CDH18: variants seen among roughly 807,000 people sequenced by gnomAD.
CDH18 encodes the protein cadherin-18.
CDH18 carries 31 observed loss-of-function variants against 67.9 expected under a neutral mutation model. The ratio of observed to expected loss-of-function variants is 0.46; its 90% CI spans 0.34 to 0.62. The LOEUF (loss-of-function observed/expected upper bound fraction) is 0.62. CDH18 is among the 20% of genes least tolerant of loss of function. The pLI is 0.01. For missense variants in CDH18, 890 were observed against 975.5 expected (o/e 0.91, Z 1.17); for synonymous variants, 362 against 347.2 (o/e 1.04, Z -0.48).
chr5:19,801,277 C>CT (rs1777440161), intron 3 of CDH18, among the ~76,000 whole-genome samples: 1 of 152,124 alleles, frequency 6.6e-6, no homozygotes, highest in African/African-American at 2.4e-5. Flanking sequence ...GGCAAAAAGA[C>CT]TAAGTACACG....
At chr5:20,296,202 T>C (rs537202895) in intron 1 of CDH18, among the ~76,000 whole-genome samples, 1 of 150,532 alleles carries the variant, frequency 6.6e-6, no homozygotes, top group East Asian at 2.0e-4. Context: ...ATTATTATAA[T>C]GCCACAAATT....
chr5:20,172,669 C>A (rs1736922830), intron 2 of CDH18, among the ~76,000 whole-genome samples: 1 of 151,926 alleles, frequency 6.6e-6, no homozygotes, highest in South Asian at 2.1e-4. Flanking sequence ...ATATATGAAG[C>A]AGGATTATAA....
At chr5:19,728,046 A>G (rs1767083871) in intron 4 of CDH18, among the ~76,000 whole-genome samples, 1 of 152,158 alleles carries the variant, frequency 6.6e-6, no homozygotes, top group Non-Finnish European at 1.5e-5. Context: ...AAGAAAAAAA[A>G]TTATTACCCT....
chr5:19,675,785 A>G (rs1759402910), intron 5 of CDH18, among the ~76,000 whole-genome samples: 1 of 152,070 alleles, frequency 6.6e-6, no homozygotes, highest in Non-Finnish European at 1.5e-5. Context: ...AAGAGTATTG[A>G]TTGGGGAAGT....
rs1739836487 is a variant in CDH18 at position 19,483,465 on chromosome 5, C to T, written c.1718G>A (p.Gly573Asp). 1 of 1,614,102 alleles carries T rather than the reference C, an allele frequency of 6.2e-7. No individual in the cohort carries two copies. Among genetic ancestry groups the T allele is most frequent in the Non-Finnish European group, 8.5e-7 (1 of 1,180,016 alleles). The change falls in exon 12 of 13, where the codon GGT becomes GAT. Residue 573 changes from glycine (G) to aspartate (D), a missense_variant. Physicochemically the swap from Gly to Asp is moderately conservative, Grantham distance 94. Around this residue, in one of 2 missense-constraint regions of CDH18, gnomAD observed 656 missense variants for 668.1 expected, o/e 0.98. Transcript: ENST00000382275. The stretch of plus-strand genomic sequence containing the variant: ...GCTGCTGCTGAGAGAGGGGATTCCA[C>T]CATCAGAGATCATAATGGGCAGATA... Reference protein sequence around the residue: ...VYYLPIMISDGGIPSLSSSST... With the variant: ...VYYLPIMISDDGIPSLSSSST...
rs138789606 is a variant in CDH18 at position 20,233,274 on chromosome 5, T to A, written c.-518+22170A>T. On this transcript the variant is annotated intron_variant, in intron 2 of 14. Transcript: ENST00000507958. ...AAACATATTTAAATGTACAAACATT[T>A]TATAATCCATGATTATTCAGAGGTT... Among the ~76,000 whole-genome samples the A allele has an allele frequency of 4.9e-3, 750 of 151,620 alleles. 5 individuals carry two copies. Among genetic ancestry groups the A allele is most frequent in the Non-Finnish European group, 6.8e-3 (462 of 67,760 alleles).
At chr5:20,328,744 A>C (rs901659165) in intron 1 of CDH18, among the ~76,000 whole-genome samples, 1 of 152,022 alleles carries the variant, frequency 6.6e-6, no homozygotes, top group Non-Finnish European at 1.5e-5. Context: ...CCTGTACTCC[A>C]CCACTTTGGG....
rs144004067 is a variant in CDH18 at position 19,930,187 on chromosome 5, C to T, written c.-257+50873G>A. The stretch of plus-strand genomic sequence containing the variant: ...AACGGAACAAAGGGAGGATAAGTGA[C>T]ATACTAAAGGTCACATACACACATC... On this transcript the variant is annotated intron_variant, in intron 2 of 12. Coordinates refer to ENST00000382275, the MANE Select transcript of CDH18 (RefSeq NM_004934.5). Among the ~76,000 whole-genome samples the T allele has an allele frequency of 9.3e-3, 1,416 of 152,142 alleles. 77 individuals carry two copies. Among genetic ancestry groups the T allele is most frequent in the Admixed American group, 0.084 (1,286 of 15,234 alleles).
intron 9 of CDH18, among the ~76,000 whole-genome samples, chr5:19,535,453 A>T (rs1845284): frequency 0.51 from 76,877 of 152,004 alleles, 20,545 homozygotes; most frequent in African/African-American, 0.69. Context: ...AGCTACAGGG[A>T]CTTAAAAATA....
chr5:19,716,435 A>C (rs963489929), intron 5 of CDH18, among the ~76,000 whole-genome samples: 2 of 152,090 alleles, frequency 1.3e-5, no homozygotes, highest in Non-Finnish European at 2.9e-5. Context: ...ATAGTATATT[A>C]ATCTTTGGTA....
At chr5:20,415,445 A>G (rs1171845891) in intron 1 of CDH18, among the ~76,000 whole-genome samples, 1 of 152,190 alleles carries the variant, frequency 6.6e-6, no homozygotes, top group East Asian at 1.9e-4. Context: ...AATGTAGTAC[A>G]TACATACAGT....
intron 4 of CDH18, among the ~76,000 whole-genome samples, chr5:19,736,019 G>A (rs978933306): frequency 1.3e-5 from 2 of 152,160 alleles, no homozygotes; most frequent in African/African-American, 4.8e-5. Flanking sequence ...AATTGGATGA[G>A]ACATTTATGA....
intron 9 of CDH18, among the ~76,000 whole-genome samples, chr5:19,534,796 G>A (rs934076846): frequency 5.3e-5 from 8 of 152,064 alleles, no homozygotes; most frequent in Non-Finnish European, 1.0e-4. Flanking sequence ...TATTGCAGAA[G>A]TAACAATGTG....
At chr5:20,031,417 T>A (rs571194280) in intron 2 of CDH18, among the ~76,000 whole-genome samples, 9 of 152,158 alleles carry the variant, frequency 5.9e-5, no homozygotes, top group African/African-American at 2.2e-4. Context: ...AAATCTAAAG[T>A]GGCAGGTAAC....
At chr5:19,905,219 A>G (rs1355667919) in intron 2 of CDH18, among the ~76,000 whole-genome samples, 1 of 152,142 alleles carries the variant, frequency 6.6e-6, no homozygotes, top group Non-Finnish European at 1.5e-5. Context: ...CAAGTTCTGC[A>G]ATAATACTGT....
chr5:19,706,520 C>T (rs1211682114), intron 5 of CDH18, among the ~76,000 whole-genome samples: 1 of 152,158 alleles, frequency 6.6e-6, no homozygotes, highest in Non-Finnish European at 1.5e-5. Flanking sequence ...GGCAAATGGA[C>T]ATCACACATG....
chr5:20,381,903 T>C (rs771965844), intron 1 of CDH18, among the ~76,000 whole-genome samples: 18 of 152,054 alleles, frequency 1.2e-4, no homozygotes, highest in Admixed American at 2.0e-4. Context: ...GTTAATGATA[T>C]ATAAGGACAT....
intron 1 of CDH18, among the ~76,000 whole-genome samples, chr5:20,542,995 C>A (rs566343478): frequency 6.6e-6 from 1 of 151,772 alleles, no homozygotes; most frequent in African/African-American, 2.4e-5. Context: ...GATAAATTAA[C>A]TTTTTGTTTG....
intron 1 of CDH18, among the ~76,000 whole-genome samples, chr5:20,511,357 C>T (rs1345843785): frequency 6.6e-6 from 1 of 152,058 alleles, no homozygotes; most frequent in African/African-American, 2.4e-5. Context: ...GAAATGTAAA[C>T]TGCATTTAAA....
Sources: gnomAD v4.1 joint callset for allele counts (sites outside exome capture counted in the v4.1 genomes callset) on GRCh38, gnomAD v4.1.1 for gene constraint, gnomAD v4.1.1 regional missense constraint, MANE v1.5 for transcripts, NCBI Gene and HGNC (gene_info 2026-07-23, HGNC 2026-07-21) for gene names.